FHOD3: variants seen among roughly 807,000 people sequenced by gnomAD.
FHOD3 encodes the protein formin homology 2 domain containing 3.
FHOD3 carries 90 observed loss-of-function variants against 173.0 expected under a neutral mutation model. The ratio of observed to expected loss-of-function variants is 0.52; its 90% CI spans 0.44 to 0.62. The LOEUF is 0.62. Among genes scored for constraint, FHOD3 ranks in the 20% least tolerant of loss-of-function variants. The probability of loss-of-function intolerance (pLI) is 0.00; values close to 1 mark genes in which losing one functional copy is unlikely to be tolerated. For missense variants in FHOD3, 1,945 were observed against 2,034.7 expected (o/e 0.96, Z 0.85); for synonymous variants, 828 against 823.0 (o/e 1.01, Z -0.10).
At chr18:36,422,062 TA>T (rs764229383) in intron 3 of FHOD3, among the ~76,000 whole-genome samples, 7 of 152,364 alleles carry the variant, frequency 4.6e-5, no homozygotes, top group Non-Finnish European at 7.3e-5. Flanking sequence ...CTTTGAGAAG[TA>T]CACAGTGATT....
At chr18:36,455,200 C>G (rs958618568) in intron 3 of FHOD3, among the ~76,000 whole-genome samples, 1 of 152,194 alleles carries the variant, frequency 6.6e-6, no homozygotes, top group Admixed American at 6.5e-5. Flanking sequence ...CATATACTTA[C>G]AGTAATTACT....
intron 5 of FHOD3, among the ~76,000 whole-genome samples, chr18:36,525,988 T>C (rs1187149860): frequency 6.6e-6 from 1 of 152,256 alleles, no homozygotes; most frequent in Non-Finnish European, 1.5e-5. Flanking sequence ...AGATGATCAC[T>C]TGGGTGATCT....
chr18:36,381,418 C>G (rs2047781038), intron 3 of FHOD3, among the ~76,000 whole-genome samples: 1 of 152,186 alleles, frequency 6.6e-6, no homozygotes, highest in African/African-American at 2.4e-5. Flanking sequence ...GGACACTGGT[C>G]TCTTGTTCTG....
intron 3 of FHOD3, among the ~76,000 whole-genome samples, chr18:36,376,444 A>C (rs575867022): frequency 6.6e-6 from 1 of 152,218 alleles, no homozygotes; most frequent in Admixed American, 6.5e-5. Context: ...ATTTGGGTGA[A>C]GATTCCAAAA....
chr18:36,363,449 T>C (rs1004058993), intron 2 of FHOD3, among the ~76,000 whole-genome samples: 2 of 152,226 alleles, frequency 1.3e-5, no homozygotes, highest in African/African-American at 4.8e-5. Context: ...TACCATGAAA[T>C]ATTTTTTATT....
chr18:36,353,565 C>A (rs888652114), intron 1 of FHOD3, among the ~76,000 whole-genome samples: 1 of 152,188 alleles, frequency 6.6e-6, no homozygotes, highest in Non-Finnish European at 1.5e-5. Context: ...CACTTTTCCC[C>A]TAGCTTTCAT....
intron 5 of FHOD3, among the ~76,000 whole-genome samples, chr18:36,553,156 C>G (rs2057731926): frequency 6.6e-6 from 1 of 152,086 alleles, no homozygotes. Context: ...GCCTTGCATC[C>G]CAGGGATGAA....
At chr18:36,474,163 A>G (rs1736918654) in intron 3 of FHOD3, among the ~76,000 whole-genome samples, 1 of 152,246 alleles carries the variant, frequency 6.6e-6, no homozygotes, top group Non-Finnish European at 1.5e-5. Context: ...GAAGGGACTC[A>G]GATCCTTAAA....
rs371280592 is a variant in FHOD3, at chr18:36,346,155, C to T, written c.166-9384C>T. 2.3e-3 allele frequency among the ~76,000 whole-genome samples: 354 copies of T among 152,270 alleles called. 2 individuals are homozygous for T. Among genetic ancestry groups the T allele is most frequent in the African/African-American group, 8.1e-3 (337 of 41,536 alleles). On this transcript the variant is annotated intron_variant, in intron 1 of 28. Transcript: ENST00000590592. Reference sequence around the variant, plus strand: ...GTGAGGAAGAAGGTTTGCCTGAACCCAGGAGTTCAAGACCAGCCTGGGCAA... The same window carrying T: ...GTGAGGAAGAAGGTTTGCCTGAACCTAGGAGTTCAAGACCAGCCTGGGCAA...
chr18:36,635,436 A>G (rs1268565645), intron 10 of FHOD3, among the ~76,000 whole-genome samples: 1 of 152,222 alleles, frequency 6.6e-6, no homozygotes, highest in East Asian at 1.9e-4. Flanking sequence ...TTCTGGGCAC[A>G]GCATGGGGAA....
At chr18:36,342,855 G>A (rs1225947322) in intron 1 of FHOD3, among the ~76,000 whole-genome samples, 1 of 152,150 alleles carries the variant, frequency 6.6e-6, no homozygotes, top group Non-Finnish European at 1.5e-5. Context: ...TTTAAAATGG[G>A]CAAAGGATTT....
intron 3 of FHOD3, among the ~76,000 whole-genome samples, chr18:36,440,473 G>A (rs936340579): frequency 4.6e-5 from 7 of 151,948 alleles, no homozygotes; most frequent in African/African-American, 1.5e-4. Flanking sequence ...CCAGCTGGAC[G>A]CGCTGCCCGC....
At chr18:36,414,572 G>A (rs1006249190) in intron 3 of FHOD3, among the ~76,000 whole-genome samples, 17 of 152,144 alleles carry the variant, frequency 1.1e-4, no homozygotes, top group East Asian at 3.9e-4. Context: ...TTGTCCACCC[G>A]CATCAACTCA....
chr18:36,541,268 AAAAAG>A (rs2147105525), intron 5 of FHOD3, among the ~76,000 whole-genome samples: 1 of 148,070 alleles, frequency 6.8e-6, no homozygotes, highest in African/African-American at 2.5e-5. Context: ...AAAAAAAAAA[AAAAAG>A]AAAGAAAAAA....
chr18:36,318,436 C>T (rs1350443582), intron 1 of FHOD3, among the ~76,000 whole-genome samples: 1 of 152,106 alleles, frequency 6.6e-6, no homozygotes, highest in African/African-American at 2.4e-5. Flanking sequence ...TGAAGAGGTC[C>T]TTCACATCCC....
At chr18:36,437,682 T>TTTTTTTTTTTTTTTTTTTTTTTTTTA (rs71168224) in intron 3 of FHOD3, among the ~76,000 whole-genome samples, 3 of 129,616 alleles carry the variant, frequency 2.3e-5, no homozygotes, top group East Asian at 2.2e-4. Context: ...TTTTTTTTTT[T>TTTTTTTTTTTTTTTTTTTTTTTTTTA]AAGACAGAGT....
intron 17 of FHOD3, among the ~76,000 whole-genome samples, chr18:36,696,236 G>T (rs777647539): frequency 3.9e-5 from 6 of 152,304 alleles, no homozygotes; most frequent in East Asian, 1.9e-4. Flanking sequence ...TTGTCATGGA[G>T]TCATGGCTCT....
At chr18:36,748,211 TA>T (rs1358086958) in intron 24 of FHOD3, among the ~76,000 whole-genome samples, 1 of 152,142 alleles carries the variant, frequency 6.6e-6, no homozygotes, top group South Asian at 2.1e-4. Flanking sequence ...ACTATCTATC[TA>T]GACCTTCTGG....
At chr18:36,331,956 C>G (rs577089804) in intron 1 of FHOD3, among the ~76,000 whole-genome samples, 8 of 152,084 alleles carry the variant, frequency 5.3e-5, no homozygotes, top group Admixed American at 5.2e-4. Flanking sequence ...GAGAGGTGAT[C>G]GCTGGGCTGT....
Sources: gnomAD v4.1 joint callset for allele counts (sites outside exome capture counted in the v4.1 genomes callset) on GRCh38, gnomAD v4.1.1 for gene constraint, MANE v1.5 for transcripts, NCBI Gene and HGNC (gene_info 2026-07-23, HGNC 2026-07-21) for gene names.